RPS6KA5: variants seen among roughly 807,000 people sequenced by gnomAD.
The protein encoded by RPS6KA5 is ribosomal protein S6 kinase A5.
In RPS6KA5, 27 loss-of-function variants were observed where a neutral mutation model predicts 85.5. The ratio of observed to expected loss-of-function variants is 0.32; its 90% CI spans 0.23 to 0.44. The LOEUF is 0.44. Ranked by LOEUF, RPS6KA5 falls within the 20% of genes least tolerant of loss-of-function variation. The probability of loss-of-function intolerance (pLI) is 1.00; values close to 1 mark genes in which losing one functional copy is unlikely to be tolerated. For synonymous variants in RPS6KA5, 334 were observed against 348.2 expected, an observed-to-expected ratio of 0.96 and a Z score of 0.46; for missense variants, 811 against 980.9, an observed-to-expected ratio of 0.83 and a Z score of 2.31.
At chr14:90,963,056 T>C (rs1768063757) in intron 3 of RPS6KA5, among the ~76,000 whole-genome samples, 2 of 152,232 alleles carry the variant, frequency 1.3e-5, no homozygotes, top group Admixed American at 6.5e-5. Flanking sequence ...TTTTTTCCAG[T>C]CCAATTTCTA....
At chr14:90,882,021 A>C (rs1275049002) in intron 14 of RPS6KA5, among the ~76,000 whole-genome samples, 1 of 152,134 alleles carries the variant, frequency 6.6e-6, no homozygotes, top group Non-Finnish European at 1.5e-5. Context: ...TCATTTTGCT[A>C]TGTGTTTTCT....
rs201885024 is a variant in RPS6KA5 at position 90,873,741 on chromosome 14, T to C, written c.2051A>G (p.Asn684Ser). 1.8e-5 allele frequency: 29 copies of C among 1,614,146 alleles called. No homozygotes were observed. Among genetic ancestry groups the C allele is most frequent in the Admixed American group, 5.0e-5 (3 of 60,024 alleles). ...CTGACTTCCATCTTGTAGCCATTCA[T>C]TGTACCTCAAGCCAGACATTTTAAG... ...KRLKMSGLRYNEWLQDGSQLS... is the reference protein window; with the variant it reads ...KRLKMSGLRYSEWLQDGSQLS... The change falls in exon 16 of 17, where the codon AAT becomes AGT. Residue 684 changes from asparagine (N) to serine (S), a missense_variant. Transcript: ENST00000614987.
chr14:90,851,125 C>T lies in RPS6KA5; in HGVS notation c.*20949G>A, dbSNP rs1306383716. On this transcript the variant is annotated 3_prime_UTR_variant, in exon 17 of 17. Transcript: ENST00000614987. ...TGATCTCGGCTCACTGCAAGCTCCG[C>T]CTCCCGGGTTCATGCCATTCTCCTG... is the stretch of plus-strand genomic sequence containing the variant. The T allele has an allele frequency of 6.6e-6, 1 of 152,098 alleles. No individual in the cohort carries two copies. Among genetic ancestry groups the T allele is most frequent in the East Asian group, 1.9e-4 (1 of 5,184 alleles). The allele number at this position is 152,098 out of a possible 1,614,324, so 9.4% of individuals were successfully genotyped here. A position where few individuals can be genotyped will look rare whatever the true frequency, so the allele number is the denominator to read the frequency against.
intron 16 of RPS6KA5, among the ~76,000 whole-genome samples, chr14:90,873,097 C>T (rs2033226330): frequency 6.6e-6 from 1 of 152,160 alleles, no homozygotes; most frequent in East Asian, 1.9e-4. Flanking sequence ...TTCCCTAACT[C>T]ATCTTATACT....
chr14:91,019,369 A>C (rs1337848814), intron 1 of RPS6KA5, among the ~76,000 whole-genome samples: 1 of 152,176 alleles, frequency 6.6e-6, no homozygotes, highest in Non-Finnish European at 1.5e-5. Context: ...GCCTTAACAG[A>C]ACAAAAAGAC....
chr14:90,965,559 G>A (rs1178766578), intron 3 of RPS6KA5, among the ~76,000 whole-genome samples: 1 of 152,176 alleles, frequency 6.6e-6, no homozygotes, highest in Non-Finnish European at 1.5e-5. Flanking sequence ...GGTTTGAGAA[G>A]TAATAAGAGG....
intron 2 of RPS6KA5, among the ~76,000 whole-genome samples, chr14:90,991,427 C>T (rs937525965): frequency 2.6e-5 from 4 of 151,906 alleles, no homozygotes; most frequent in East Asian, 1.9e-4. Flanking sequence ...CTGGGCTGGG[C>T]GCAGCAGCTG....
At chr14:90,983,757 A>C (rs914647864) in intron 2 of RPS6KA5, among the ~76,000 whole-genome samples, 1 of 151,856 alleles carries the variant, frequency 6.6e-6, no homozygotes, top group Non-Finnish European at 1.5e-5. Context: ...AGTTCTAAAC[A>C]CACTTTCTTT....
At chr14:90,982,918 C>CCTGG (rs2039859887) in intron 2 of RPS6KA5, among the ~76,000 whole-genome samples, 7 of 152,166 alleles carry the variant, frequency 4.6e-5, no homozygotes, top group Admixed American at 4.6e-4. Flanking sequence ...TGGAGACCAT[C>CCTGG]CTGGCTAACA....
Position 91,027,935 on chromosome 14 carries a change from C to A in RPS6KA5, c.104-26776G>T, listed in dbSNP as rs1257120527. Among the ~76,000 whole-genome samples the A allele has an allele frequency of 3.9e-5, 6 of 152,178 alleles. No individual in the cohort carries two copies. The East Asian group carries it at 1.2e-3, about 29-fold the overall frequency. ...TCCACCATAGAAGCTGTATCTCAAA[C>A]CTAAAATATTCCTAAACATTTCTGT... On this transcript the variant is annotated intron_variant, in intron 1 of 16. Coordinates refer to ENST00000614987, the MANE Select transcript of RPS6KA5 (RefSeq NM_004755.4).
intron 3 of RPS6KA5, among the ~76,000 whole-genome samples, chr14:90,973,984 G>C (rs1307502828): frequency 1.6e-5 from 2 of 123,764 alleles, no homozygotes; most frequent in Non-Finnish European, 3.2e-5. Flanking sequence ...GCTGCAGTGG[G>C]CCAAGATTGC....
At chr14:90,894,627 A>C (rs753696050) in intron 12 of RPS6KA5, 44 bp from the exon 13 acceptor site, 2 of 1,598,514 alleles carry the variant, frequency 1.3e-6, no homozygotes, top group Non-Finnish European at 1.7e-6. Context: ...CCTGAAGCAC[A>C]GAAGTCTATT....
rs1158154363 is a variant in RPS6KA5, at chr14:90,868,721, A to G, written c.*3353T>C. The G allele has an allele frequency of 1.3e-5, 2 of 152,220 alleles. No homozygotes were observed. The highest frequency in any genetic ancestry group is 2.9e-5 in the Non-Finnish European group (2 of 68,024). 9.4% of individuals were successfully genotyped at this position (152,220 alleles called of 1,614,324 possible). ...GGCGCTTGAAATGGGGGCAAGGTGA[A>G]TAAGTATCCAGTCAATTGTATACTT... On this transcript the variant is annotated 3_prime_UTR_variant, in exon 17 of 17. Transcript: ENST00000614987.
rs528942213 is a variant in RPS6KA5, at chr14:91,039,452, G to A, written c.103+20880C>T. ...CAACTCAATCTGATCTGGATCTTTT[G>A]AGGAACATATGGAATGCCCCTCAGA... On this transcript the variant is annotated intron_variant, in intron 1 of 16. Coordinates refer to ENST00000614987, the MANE Select transcript of RPS6KA5 (RefSeq NM_004755.4). Among the ~76,000 whole-genome samples, 96 of 152,294 alleles carry A rather than the reference G, an allele frequency of 6.3e-4. 2 individuals carry two copies. The Middle Eastern group carries it at 0.014, about 22-fold the overall frequency.
At chr14:91,057,046 A>T (rs1285988) in intron 1 of RPS6KA5, among the ~76,000 whole-genome samples, 45,007 of 150,452 alleles carry the variant, frequency 0.3, 6,792 homozygotes, top group Middle Eastern at 0.34. Flanking sequence ...TGCCCAGCTA[A>T]TTTTTTGTAT....
intron 15 of RPS6KA5, 137 bp downstream of exon 15, chr14:90,875,064 A>G (rs1249729797): frequency 2.5e-6 from 2 of 812,458 alleles, no homozygotes; most frequent in Non-Finnish European, 1.9e-6. Context: ...AACAAGGCTG[A>G]AGAGAGTAGC....
intron 1 of RPS6KA5, among the ~76,000 whole-genome samples, chr14:91,024,542 CTTTG>C (rs2041915967): frequency 6.6e-6 from 1 of 152,134 alleles, no homozygotes; most frequent in Admixed American, 6.6e-5. Context: ...GTGAGGTTCA[CTTTG>C]TTTAATGAAT....
At chr14:90,881,136 T>A (rs1274123632) in intron 14 of RPS6KA5, among the ~76,000 whole-genome samples, 3 of 151,862 alleles carry the variant, frequency 2.0e-5, no homozygotes, top group African/African-American at 7.2e-5. Flanking sequence ...GCCCAGCCTC[T>A]TGTAAACTTT....
At position 90,848,191 on chromosome 14, in the gene RPS6KA5, C is replaced by A. The variant is rs976355717; in HGVS notation, c.*23883G>T. On this transcript the variant is annotated 3_prime_UTR_variant, in exon 17 of 17. Transcript: ENST00000614987. ...GTAGCTATAGAATTCTGAAAATTCTCAATAAATAGTTACTAGTATAAAAAT... is the reference window on the plus strand; with the variant it reads ...GTAGCTATAGAATTCTGAAAATTCTAAATAAATAGTTACTAGTATAAAAAT... 9 of 152,152 alleles carry A rather than the reference C, an allele frequency of 5.9e-5. No individual in the cohort carries two copies. The allele number at this position is 152,152 out of a possible 1,614,324, so 9.4% of individuals were successfully genotyped here.
Sources: gnomAD v4.1 joint callset for allele counts (sites outside exome capture counted in the v4.1 genomes callset) on GRCh38, gnomAD v4.1.1 for gene constraint, MANE v1.5 for transcripts, NCBI Gene and HGNC (gene_info 2026-07-23, HGNC 2026-07-21) for gene names.